PRKCB: variants seen among roughly 807,000 people sequenced by gnomAD.
PRKCB encodes the protein protein kinase C beta.
PRKCB carries 13 observed loss-of-function variants against 81.5 expected under a neutral mutation model. That is an observed-to-expected ratio of 0.16 (90% CI 0.10 to 0.25). PRKCB has a LOEUF of 0.25. Ranked by LOEUF, PRKCB falls within the 10% of genes least tolerant of loss-of-function variation. The pLI, the probability that PRKCB is intolerant of heterozygous loss-of-function variation, is 1.00. For synonymous variants in PRKCB, 335 were observed against 321.4 expected (o/e 1.04, Z -0.45); for missense variants, 509 against 875.7 (o/e 0.58, Z 5.29).
At chr16:24,192,175 C>T (rs181771152) in intron 16 of PRKCB, among the ~76,000 whole-genome samples, 31 of 152,342 alleles carry the variant, frequency 2.0e-4, no homozygotes, top group Middle Eastern at 3.4e-3. Flanking sequence ...TGAGCACTTA[C>T]GTGCTAGGCA....
chr16:23,874,167 T>C (rs1481401857), intron 2 of PRKCB, among the ~76,000 whole-genome samples: 3 of 152,260 alleles, frequency 2.0e-5, no homozygotes, highest in Non-Finnish European at 4.4e-5. Context: ...AATGTCTGTC[T>C]TTCCGTGTCA....
At chr16:23,914,701 A>C (rs138341004) in intron 2 of PRKCB, among the ~76,000 whole-genome samples, 1 of 152,258 alleles carries the variant, frequency 6.6e-6, no homozygotes, top group East Asian at 1.9e-4. Flanking sequence ...GGAGCTTTCA[A>C]TATGTGTTGG....
intron 2 of PRKCB, among the ~76,000 whole-genome samples, chr16:23,936,558 G>A (rs950557933): frequency 6.7e-6 from 1 of 148,352 alleles, no homozygotes; most frequent in Admixed American, 6.7e-5. Flanking sequence ...GGTCACAGGT[G>A]TGCACCACCA....
At position 24,220,394 on chromosome 16, in the gene PRKCB, A is replaced by T. The variant is rs916710423; in HGVS notation, c.*5578A>T. Reference sequence around the variant, plus strand: ...GACAATGTCAAAACTACTGTGTCTGATACCAAAATGCTTCAGTATTTGTAA... The same window carrying T: ...GACAATGTCAAAACTACTGTGTCTGTTACCAAAATGCTTCAGTATTTGTAA... On this transcript the variant is annotated 3_prime_UTR_variant, in exon 17 of 17. Transcript: ENST00000643927. 3 of 257,586 alleles carry T rather than the reference A, an allele frequency of 1.2e-5. No homozygotes were observed. Among genetic ancestry groups the T allele is most frequent in the African/African-American group, 6.7e-5 (3 of 44,958 alleles). The allele number at this position is 257,586 out of a possible 1,614,324, so 16.0% of individuals were successfully genotyped here.
chr16:24,017,705 T>C (rs185554001), intron 3 of PRKCB, among the ~76,000 whole-genome samples: 59 of 152,264 alleles, frequency 3.9e-4, no homozygotes, highest in African/African-American at 1.4e-3. Flanking sequence ...GCAAAATTAA[T>C]GATAACAGTG....
At chr16:24,102,960 C>T (rs1366700229) in intron 7 of PRKCB, among the ~76,000 whole-genome samples, 1 of 152,168 alleles carries the variant, frequency 6.6e-6, no homozygotes, top group East Asian at 1.9e-4. Context: ...GTGGCACAGT[C>T]TCTGCAGGTT....
intron 2 of PRKCB, among the ~76,000 whole-genome samples, chr16:23,947,501 GGAGA>G (rs1192569557): frequency 1.3e-5 from 2 of 152,272 alleles, no homozygotes; most frequent in African/African-American, 4.8e-5. Context: ...CAAGACAGTA[GGAGA>G]GAGTCACTTT....
intron 7 of PRKCB, among the ~76,000 whole-genome samples, chr16:24,096,665 A>AT (rs1966445936): frequency 2.4e-3 from 96 of 39,208 alleles, no homozygotes; most frequent in East Asian, 0.016. Flanking sequence ...AAAAAAAAAA[A>AT]AATATATATA....
chr16:23,946,742 C>G (rs1173977741), intron 2 of PRKCB, among the ~76,000 whole-genome samples: 1 of 152,150 alleles, frequency 6.6e-6, no homozygotes, highest in African/African-American at 2.4e-5. Context: ...AGGTTGTGAT[C>G]CAGTAGGTCT....
chr16:24,149,529 T>C (rs988612479), intron 9 of PRKCB, among the ~76,000 whole-genome samples: 1 of 152,228 alleles, frequency 6.6e-6, no homozygotes, highest in African/African-American at 2.4e-5. Context: ...CTAGCCACCT[T>C]ATTAAATGAA....
intron 3 of PRKCB, among the ~76,000 whole-genome samples, chr16:24,014,534 A>G (rs1965251215): frequency 1.3e-5 from 2 of 152,308 alleles, no homozygotes; most frequent in South Asian, 4.1e-4. Flanking sequence ...CATGGCAGTG[A>G]CTTGCCCAAG....
intron 9 of PRKCB, among the ~76,000 whole-genome samples, chr16:24,147,124 C>T (rs561704958): frequency 5.3e-4 from 81 of 151,642 alleles, no homozygotes; most frequent in Non-Finnish European, 1.1e-3. Context: ...CTGGCTAACA[C>T]GATGAAACCC....
chr16:23,938,428 G>C (rs569883404), intron 2 of PRKCB, among the ~76,000 whole-genome samples: 1 of 152,312 alleles, frequency 6.6e-6, no homozygotes, highest in East Asian at 1.9e-4. Context: ...TCATGGTATG[G>C]AGGAACTGGG....
chr16:24,040,151 C>T (rs947979817), intron 5 of PRKCB, among the ~76,000 whole-genome samples: 2 of 152,204 alleles, frequency 1.3e-5, no homozygotes, highest in African/African-American at 4.8e-5. Flanking sequence ...TATATCTGTT[C>T]TTAGTGTTTT....
At chr16:23,908,187 A>T (rs946525770) in intron 2 of PRKCB, among the ~76,000 whole-genome samples, 6 of 151,944 alleles carry the variant, frequency 3.9e-5, no homozygotes, top group African/African-American at 7.3e-5. Flanking sequence ...GCCTCTGGAG[A>T]TTGGTGAGAG....
chr16:24,024,165 A>G (rs1016680161), intron 3 of PRKCB, among the ~76,000 whole-genome samples: 3 of 152,190 alleles, frequency 2.0e-5, no homozygotes, highest in Non-Finnish European at 2.9e-5. Flanking sequence ...ATTTGCTACA[A>G]TGTGGATGAA....
At chr16:24,139,149 G>A (rs1294889780) in intron 9 of PRKCB, among the ~76,000 whole-genome samples, 1 of 151,658 alleles carries the variant, frequency 6.6e-6, no homozygotes, top group Non-Finnish European at 1.5e-5. Flanking sequence ...ACCGTGCCTG[G>A]CCCCAGTATT....
intron 3 of PRKCB, among the ~76,000 whole-genome samples, chr16:23,989,264 T>C (rs991485897): frequency 6.6e-6 from 1 of 151,866 alleles, no homozygotes; most frequent in African/African-American, 2.4e-5. Flanking sequence ...GTGCCCGGCC[T>C]ATTATTATTA....
At position 24,185,574 on chromosome 16, in the gene PRKCB, G is replaced by A. The variant is rs2141976018; in HGVS notation, c.1722+7G>A. ...TGTGGCCATCTGCAAAGGGGTAAGTGCATCTCTTAAAGCTGTGACCAGGAC... is the reference window on the plus strand; with the variant it reads ...TGTGGCCATCTGCAAAGGGGTAAGTACATCTCTTAAAGCTGTGACCAGGAC... On this transcript the variant is annotated splice_region_variant and intron_variant, in intron 15 of 16. Transcript: ENST00000643927. 2 of 1,607,556 alleles carry A rather than the reference G, an allele frequency of 1.2e-6. No individual in the cohort carries two copies. The highest frequency in any genetic ancestry group is 1.7e-6 in the Non-Finnish European group (2 of 1,173,988).
Sources: allele counts gnomAD v4.1 joint callset (sites outside exome capture counted in the v4.1 genomes callset), GRCh38; gene constraint gnomAD v4.1.1; transcripts MANE v1.5; gene names NCBI Gene and HGNC (gene_info 2026-07-23, HGNC 2026-07-21).